The following NEIL3 variants were observed in gnomAD, a reference collection of about 807,000 sequenced individuals.
NEIL3 encodes nei like DNA glycosylase 3, also known as endonuclease 8-like 3.
In NEIL3, 48 loss-of-function variants were observed where a neutral mutation model predicts 57.5. The observed-to-expected ratio is 0.83, with a 90% CI of 0.66 to 1.06. The LOEUF (loss-of-function observed/expected upper bound fraction) is 1.06. NEIL3 is among the 50% of genes least tolerant of loss of function. NEIL3 has a pLI of 0.00. For missense variants in NEIL3, 717 were observed against 739.1 expected, an observed-to-expected ratio of 0.97 and a Z score of 0.35; for synonymous variants, 261 against 253.2, an observed-to-expected ratio of 1.03 and a Z score of -0.29.
chr4:177,353,706 T>C lies in NEIL3; in HGVS notation c.1438T>C (p.Cys480Arg), dbSNP rs1265678798. 6.2e-7 allele frequency: 1 copy of C among 1,612,660 alleles called. No individual in the cohort carries two copies. The highest frequency in any genetic ancestry group is 8.5e-7 in the Non-Finnish European group (1 of 1,179,642). ...AQYSSPELKS[C>R]NPGYSNSELQ... ...ATACTCATCACCAGAGCTTAAAAGC[T>C]GCAACCCTGGATATTCTAACAGGTA... The change falls in exon 8 of 10, where the codon TGC (cysteine) becomes CGC (arginine). Residue 480 changes from cysteine to arginine, a missense_variant. Physicochemically the swap from Cys to Arg is radical, Grantham distance 180 (BLOSUM62 -3). Transcript: ENST00000264596.
chr4:177,357,335 G>A (rs1395481), intron 8 of NEIL3, among the ~76,000 whole-genome samples: 129,510 of 151,984 alleles, frequency 0.85, 56,591 homozygotes, highest in Non-Finnish European at 0.95. Flanking sequence ...ACAAATTTGT[G>A]AACTTTCTTA....
downstream of NEIL3, among the ~76,000 whole-genome samples, chr4:177,363,111 A>T (rs1735642535): frequency 6.6e-6 from 1 of 152,194 alleles, no homozygotes; most frequent in Non-Finnish European, 1.5e-5. Context: ...CGTTTAAAAG[A>T]GAGGTTGATT....
At chr4:177,319,971 G>T (rs1011373225) in intron 1 of NEIL3, among the ~76,000 whole-genome samples, 2 of 152,062 alleles carry the variant, frequency 1.3e-5, no homozygotes, top group African/African-American at 4.8e-5. Flanking sequence ...TTATAAATGT[G>T]GGTTTAAAAT....
chr4:177,365,980 C>T (rs913728348), downstream of NEIL3, among the ~76,000 whole-genome samples: 8 of 152,154 alleles, frequency 5.3e-5, no homozygotes, highest in South Asian at 4.2e-4. Flanking sequence ...ACAACCAAGA[C>T]CCACCCTAAG....
intron 2 of NEIL3, among the ~76,000 whole-genome samples, chr4:177,333,703 G>A (rs557659029): frequency 3.9e-4 from 59 of 152,162 alleles, no homozygotes; most frequent in Non-Finnish European, 6.9e-4. Context: ...TGCTCACATC[G>A]GGAATCATTC....
chr4:177,335,561 C>A, intron 2 of NEIL3, 127 bp from the exon 3 acceptor site: 2 of 713,918 alleles, frequency 2.8e-6, no homozygotes, highest in South Asian at 2.2e-5. Flanking sequence ...GGTTTCTGCC[C>A]TTTAAAAGTG....
At chr4:177,335,470 G>A (rs1289257155) in intron 2 of NEIL3, among the ~76,000 whole-genome samples, 1 of 152,058 alleles carries the variant, frequency 6.6e-6, no homozygotes, top group Non-Finnish European at 1.5e-5. Context: ...TTACTTTTGA[G>A]TTGAAAAACT....
intron 1 of NEIL3, among the ~76,000 whole-genome samples, chr4:177,321,370 TATATA>T (rs1734681274): frequency 6.6e-6 from 1 of 152,174 alleles, no homozygotes; most frequent in South Asian, 2.1e-4. Flanking sequence ...TATTTTATCT[TATATA>T]ATAATTACGC....
intron 6 of NEIL3, 139 bp from the exon 7 acceptor site, chr4:177,351,231 AAAAAAAAGAC>A: frequency 3.1e-6 from 1 of 324,746 alleles, no homozygotes; most frequent in Non-Finnish European, 5.5e-6. Context: ...AAAAAAAAAA[AAAAAAAAGAC>A]TCTAAGATAC....
In NEIL3 at chr4:177,357,175, A is replaced by G. The variant is rs781257788; in HGVS notation, c.1461-3328A>G. 5 of 152,200 alleles carry G rather than the reference A, an allele frequency of 3.3e-5. 1 individual carries two copies. The highest frequency in any genetic ancestry group is 7.3e-5 in the Non-Finnish European group (5 of 68,042). 9.4% of individuals were successfully genotyped at this position (152,200 alleles called of 1,614,324 possible). On this transcript the variant is annotated intron_variant, in intron 8 of 9. Coordinates refer to ENST00000264596, the MANE Select transcript of NEIL3 (RefSeq NM_018248.3). ...GTTTTAATCCTCGAAATAATCCTGT[A>G]TGACAAAATCTACATTCAGTGAGAC...
rs755292797 is a variant in NEIL3 at position 177,351,388 on chromosome 4, C to A, written c.878C>A (p.Pro293Gln). ...TAAAAATTATCTTATAGCAAGCTAC[C>A]GACTAGAAATACTATAATCAGTTGG... ...NPQHVDICKL[P>Q]TRNTIISWTS... Residue 293 changes from proline (P) to glutamine (Q), a missense_variant, in exon 7 of 10, where the codon CCG becomes CAG. Coordinates refer to ENST00000264596, the MANE Select transcript of NEIL3 (RefSeq NM_018248.3). 4.4e-6 allele frequency: 7 copies of A among 1,604,430 alleles called. No individual in the cohort carries two copies. The highest frequency in any genetic ancestry group is 6.0e-6 in the Non-Finnish European group (7 of 1,175,902).
chr4:177,340,184 G>C (rs1252995329), intron 5 of NEIL3, among the ~76,000 whole-genome samples: 1 of 152,184 alleles, frequency 6.6e-6, no homozygotes, highest in African/African-American at 2.4e-5. Context: ...AACACTTTCA[G>C]ATAACCTTAG....
chr4:177,335,847 T>C, intron 3 of NEIL3, 25 bp downstream of exon 3: 1 of 1,516,920 alleles, frequency 6.6e-7, no homozygotes, highest in East Asian at 2.3e-5. Context: ...ATAAAAGTAC[T>C]TACGCTGCAA....
In NEIL3 at chr4:177,339,268, A is replaced by G. The variant is rs557607319; in HGVS notation, c.628-515A>G. On this transcript the variant is annotated intron_variant, in intron 4 of 9. Transcript: ENST00000264596. ...GTGTTACATATGTATTATTACAATA[A>G]AGTAAGCTTGAGAAAAGAAATTGTT... 2.0e-5 allele frequency among the ~76,000 whole-genome samples: 3 copies of G among 152,354 alleles called. No individual in the cohort carries two copies. The East Asian group carries it at 5.8e-4, about 29-fold the overall frequency.
At chr4:177,352,592 A>T (rs1468360840) in intron 7 of NEIL3, among the ~76,000 whole-genome samples, 1 of 152,110 alleles carries the variant, frequency 6.6e-6, no homozygotes, top group Non-Finnish European at 1.5e-5. Flanking sequence ...GCACTGTGGG[A>T]GGCTGAGGCA....
the NEIL3 span, among the ~76,000 whole-genome samples, chr4:177,369,323 A>T: frequency 1.3e-5 from 2 of 152,210 alleles, no homozygotes; most frequent in Non-Finnish European, 2.9e-5. Context: ...TAAGAGCAGC[A>T]GCACTAGAAG....
intron 1 of NEIL3, among the ~76,000 whole-genome samples, chr4:177,310,478 C>T (rs745538014): frequency 6.6e-6 from 1 of 152,188 alleles, no homozygotes; most frequent in African/African-American, 2.4e-5. Flanking sequence ...GATATGTTTT[C>T]TTCGTCCCAT....
intron 8 of NEIL3, among the ~76,000 whole-genome samples, chr4:177,357,416 G>A (rs1299612044): frequency 1.3e-5 from 2 of 149,444 alleles, no homozygotes; most frequent in South Asian, 2.2e-4. Flanking sequence ...TATTTTATGT[G>A]TGGCCCAAGA....
intron 1 of NEIL3, among the ~76,000 whole-genome samples, chr4:177,316,614 G>A (rs1323308848): frequency 1.3e-5 from 2 of 152,118 alleles, no homozygotes; most frequent in African/African-American, 4.8e-5. Context: ...AGGGGAAGAA[G>A]TGAATGTATA....
Sources: gnomAD v4.1 joint callset for allele counts (sites outside exome capture counted in the v4.1 genomes callset) on GRCh38, gnomAD v4.1.1 for gene constraint, MANE v1.5 for transcripts, NCBI Gene and HGNC (gene_info 2026-07-23, HGNC 2026-07-21) for gene names.